Variants in DIP2C observed in about 807,000 individuals in gnomAD.
DIP2C encodes the protein DIP2 acetate--CoA ligase C (putative).
DIP2C carries 33 observed loss-of-function variants against 192.4 expected under a neutral mutation model. That is an observed-to-expected ratio of 0.17 (90% CI 0.13 to 0.23). The LOEUF (loss-of-function observed/expected upper bound fraction) is 0.23. Ranked by LOEUF, DIP2C falls within the 10% of genes least tolerant of loss-of-function variation. The probability of loss-of-function intolerance (pLI) is 1.00; values close to 1 mark genes in which losing one functional copy is unlikely to be tolerated. For synonymous variants in DIP2C, 979 were observed against 864.1 expected (o/e 1.13, Z -2.33); for missense variants, 1,537 against 2,110.1 (o/e 0.73, Z 5.32).
At chr10:518,619 G>T (rs1846509381) in intron 1 of DIP2C, among the ~76,000 whole-genome samples, 1 of 152,124 alleles carries the variant, frequency 6.6e-6, no homozygotes, top group Non-Finnish European at 1.5e-5. Flanking sequence ...ACCAGGAAGG[G>T]GCCCACACCA....
chr10:428,960 C>G (rs1966764889), intron 4 of DIP2C, among the ~76,000 whole-genome samples: 2 of 152,126 alleles, frequency 1.3e-5, no homozygotes, highest in African/African-American at 4.8e-5. Flanking sequence ...TCCTTTCCAA[C>G]TCCACATGTG....
At chr10:326,969 A>G (rs1280648625) in intron 31 of DIP2C, 37 bp downstream of exon 31, 2 of 1,586,918 alleles carry the variant, frequency 1.3e-6, no homozygotes, top group Admixed American at 1.7e-5. Flanking sequence ...CGGGAGCCAC[A>G]CTTCCCACTC....
chr10:539,539 A>T (rs2130894531), intron 1 of DIP2C, among the ~76,000 whole-genome samples: 1 of 152,210 alleles, frequency 6.6e-6, no homozygotes, highest in Non-Finnish European at 1.5e-5. Flanking sequence ...CCTGCAACCC[A>T]CCCCCATGGG....
chr10:374,489 G>C (rs1961337903), intron 17 of DIP2C, among the ~76,000 whole-genome samples: 1 of 152,200 alleles, frequency 6.6e-6, no homozygotes, highest in Non-Finnish European at 1.5e-5. Context: ...CTGTTTAGCA[G>C]ACAGGGGCAG....
intron 32 of DIP2C, among the ~76,000 whole-genome samples, chr10:289,096 T>C (rs1175933543): frequency 6.6e-6 from 1 of 152,194 alleles, no homozygotes; most frequent in Non-Finnish European, 1.5e-5. Context: ...ACCATCACAC[T>C]CTTCATTCAC....
intron 3 of DIP2C, among the ~76,000 whole-genome samples, chr10:460,221 T>A (rs1314669725): frequency 6.6e-6 from 1 of 152,196 alleles, no homozygotes; most frequent in Non-Finnish European, 1.5e-5. Flanking sequence ...GGTTTTCTTT[T>A]CCAGAGTTGT....
At chr10:576,216 C>G (rs1351142435) in intron 1 of DIP2C, among the ~76,000 whole-genome samples, 2 of 152,236 alleles carry the variant, frequency 1.3e-5, no homozygotes, top group East Asian at 3.8e-4. Flanking sequence ...TCTCCTGGGA[C>G]TCCCAGGCAG....
chr10:389,281 TCAG>T (rs1589681607), intron 13 of DIP2C, among the ~76,000 whole-genome samples: 1 of 152,078 alleles, frequency 6.6e-6, no homozygotes, highest in African/African-American at 2.4e-5. Flanking sequence ...TCAGGGGATA[TCAG>T]CAGGACTCAG....
Position 609,404 on chromosome 10 carries a change from C to G in DIP2C, c.85+80090G>C, listed in dbSNP as rs78946241. Among the ~76,000 whole-genome samples, 87 of 152,298 alleles carry G rather than the reference C, an allele frequency of 5.7e-4. 2 individuals carry two copies. In the East Asian group the frequency reaches 0.016, roughly 28 times the overall value. On this transcript the variant is annotated intron_variant, in intron 1 of 36. Coordinates refer to ENST00000280886, the MANE Select transcript of DIP2C (RefSeq NM_014974.3). ...ATCTTTACATTCACTTACAATCTAT[C>G]AAACAATACTGGAGCAAGCTTGAAA...
chr10:363,543 C>T lies in DIP2C; in HGVS notation c.2478-232G>A, dbSNP rs1959793558. ...CACCCTGATCCCCACGGAGGCCACA[C>T]ACAGCACCCGCGGGCTCTGGTGACC... On this transcript the variant is annotated intron_variant, in intron 20 of 36. Coordinates refer to ENST00000280886, the MANE Select transcript of DIP2C (RefSeq NM_014974.3). This position sits in a 1 kb window ranked among gnomAD's most constrained non-coding sequence, Gnocchi z 5.4. Among the ~76,000 whole-genome samples the T allele has an allele frequency of 6.6e-6, 1 of 152,210 alleles. No individual in the cohort carries two copies. The highest frequency in any genetic ancestry group is 6.5e-5 in the Admixed American group (1 of 15,290).
intron 1 of DIP2C, among the ~76,000 whole-genome samples, chr10:574,483 G>A (rs1385224925): frequency 2.0e-5 from 3 of 152,236 alleles, no homozygotes; most frequent in Admixed American, 2.0e-4. Flanking sequence ...GACAACGGAA[G>A]GACTCTGGCC....
At chr10:401,704 C>A (rs1475680567) in intron 9 of DIP2C, among the ~76,000 whole-genome samples, 5 of 148,916 alleles carry the variant, frequency 3.4e-5, no homozygotes, top group African/African-American at 1.2e-4. Context: ...TCCTTATGGA[C>A]AAGTTTGGTA....
intron 16 of DIP2C, among the ~76,000 whole-genome samples, chr10:383,271 G>A (rs894483995): frequency 6.6e-6 from 1 of 151,586 alleles, no homozygotes; most frequent in Non-Finnish European, 1.5e-5. Context: ...AGTGAAGACT[G>A]TTTATAAAAC....
At chr10:428,381 T>C (rs773753243) in intron 4 of DIP2C, among the ~76,000 whole-genome samples, 12 of 152,224 alleles carry the variant, frequency 7.9e-5, no homozygotes, top group Admixed American at 2.0e-4. Context: ...TGTGTGAATG[T>C]GTCGTTTCAT....
chr10:309,442 T>C (rs1211936957), intron 32 of DIP2C, among the ~76,000 whole-genome samples: 1 of 151,858 alleles, frequency 6.6e-6, no homozygotes, highest in African/African-American at 2.4e-5. Flanking sequence ...GGCAAAATGG[T>C]GCATAAAATA....
At chr10:287,830 A>G (rs1027395382) in intron 33 of DIP2C, among the ~76,000 whole-genome samples, 4 of 152,206 alleles carry the variant, frequency 2.6e-5, no homozygotes, top group African/African-American at 9.6e-5. Context: ...TTCTACTTTC[A>G]TAGTAATAGA....
At chr10:503,863 G>A (rs1019579506) in intron 1 of DIP2C, among the ~76,000 whole-genome samples, 9 of 152,140 alleles carry the variant, frequency 5.9e-5, no homozygotes, top group Admixed American at 1.3e-4. Flanking sequence ...TACATCAGAC[G>A]TTTTGTCTAA....
At chr10:682,590 A>G (rs1159332134) in intron 1 of DIP2C, among the ~76,000 whole-genome samples, 1 of 152,150 alleles carries the variant, frequency 6.6e-6, no homozygotes, top group Non-Finnish European at 1.5e-5. Flanking sequence ...AAGAATACAA[A>G]CTCTATGTAC....
chr10:658,697 A>C (rs1856561019), intron 1 of DIP2C, among the ~76,000 whole-genome samples: 1 of 152,218 alleles, frequency 6.6e-6, no homozygotes, highest in Non-Finnish European at 1.5e-5. Context: ...TCATTCACAA[A>C]GCCTTTAACA....
Sources: gnomAD v4.1 joint callset for allele counts (sites outside exome capture counted in the v4.1 genomes callset) on GRCh38, gnomAD v4.1.1 for gene constraint, Gnocchi (gnomAD v3.1) non-coding constraint, MANE v1.5 for transcripts, NCBI Gene and HGNC (gene_info 2026-07-23, HGNC 2026-07-21) for gene names.